Variants in PHF20 observed in about 807,000 individuals in gnomAD.
PHF20 encodes glioma-expressed antigen 2.
PHF20 carries 23 observed loss-of-function variants against 113.5 expected under a neutral mutation model. That is an observed-to-expected ratio of 0.20 (90% confidence interval 0.15 to 0.29). PHF20 has a LOEUF of 0.29. PHF20 is among the 10% of genes least tolerant of loss of function. The probability of loss-of-function intolerance (pLI) is 1.00; values close to 1 mark genes in which losing one functional copy is unlikely to be tolerated. For synonymous variants in PHF20, 434 were observed against 457.3 expected, an observed-to-expected ratio of 0.95 and a Z score of 0.65; for missense variants, 943 against 1,219.6, an observed-to-expected ratio of 0.77 and a Z score of 3.38.
intron 17 of PHF20, among the ~76,000 whole-genome samples, chr20:35,947,263 T>C (rs2056102265): frequency 6.6e-6 from 1 of 152,228 alleles, no homozygotes; most frequent in South Asian, 2.1e-4. Flanking sequence ...ACTGTGCTGC[T>C]CTAAAGCATT....
intron 1 of PHF20, among the ~76,000 whole-genome samples, chr20:35,787,090 C>G (rs2041434702): frequency 6.6e-6 from 1 of 151,358 alleles, no homozygotes; most frequent in African/African-American, 2.4e-5. Context: ...CCCCTGGGCT[C>G]AAGTGATTCT....
intron 2 of PHF20, among the ~76,000 whole-genome samples, chr20:35,829,930 T>G (rs908350294): frequency 6.6e-6 from 1 of 151,298 alleles, no homozygotes; most frequent in Non-Finnish European, 1.5e-5. Flanking sequence ...CTTTTTTTTT[T>G]TGAGATGGAG....
chr20:35,844,225 C>T (rs936885739), intron 3 of PHF20, among the ~76,000 whole-genome samples: 23 of 151,862 alleles, frequency 1.5e-4, no homozygotes, highest in Admixed American at 1.3e-3. Context: ...GCCTTATCCT[C>T]CTGAGTAGCT....
chr20:35,904,911 C>T (rs1269729901), intron 10 of PHF20, among the ~76,000 whole-genome samples: 9 of 151,714 alleles, frequency 5.9e-5, no homozygotes, highest in Non-Finnish European at 8.8e-5. Flanking sequence ...CCACAACCTC[C>T]GCCTCCCGGA....
chr20:35,925,226 G>C (rs570216944), intron 13 of PHF20, among the ~76,000 whole-genome samples: 2 of 145,202 alleles, frequency 1.4e-5, no homozygotes, highest in African/African-American at 5.1e-5. Flanking sequence ...ATTTTTTCTA[G>C]TTCTGAAGCT....
chr20:35,940,078 C>T (rs1485384043), intron 16 of PHF20, among the ~76,000 whole-genome samples: 1 of 152,304 alleles, frequency 6.6e-6, no homozygotes, highest in East Asian at 1.9e-4. Flanking sequence ...AGTGAAGCCC[C>T]CTCAGTTACT....
At chr20:35,876,076 C>A (rs1226885282) in intron 9 of PHF20, among the ~76,000 whole-genome samples, 1 of 152,158 alleles carries the variant, frequency 6.6e-6, no homozygotes, top group East Asian at 1.9e-4. Context: ...ACAAAGGTCT[C>A]ACAGTAGCCT....
chr20:35,808,046 G>T (rs1383118730), intron 2 of PHF20, among the ~76,000 whole-genome samples: 1 of 152,122 alleles, frequency 6.6e-6, no homozygotes, highest in African/African-American at 2.4e-5. Context: ...AGCAAAAGCG[G>T]CCATGTGTAA....
At chr20:35,891,081 T>G (rs1439557671) in intron 9 of PHF20, among the ~76,000 whole-genome samples, 1 of 152,108 alleles carries the variant, frequency 6.6e-6, no homozygotes, top group African/African-American at 2.4e-5. Flanking sequence ...AAGTAAAGAA[T>G]GCAGCACATT....
At position 35,861,340 on chromosome 20, in the gene PHF20, A is replaced by G. The variant is rs143214056; in HGVS notation, c.421-1673A>G. ...ATTGTTCTTAACGTTTTGGTGTGTA[A>G]CTTGACTTAACAATTTGATGTATAC... On this transcript the variant is annotated intron_variant, in intron 5 of 17. Transcript: ENST00000374012. Among the ~76,000 whole-genome samples the G allele has an allele frequency of 5.3e-3, 813 of 152,268 alleles. 9 individuals carry two copies. The highest frequency in any genetic ancestry group is 0.019 in the African/African-American group (776 of 41,570).
chr20:35,911,189 C>T (rs6058359), intron 10 of PHF20, among the ~76,000 whole-genome samples: 39,929 of 151,844 alleles, frequency 0.26, 6,372 homozygotes, highest in African/African-American at 0.46. Context: ...TACAGGCGCC[C>T]GCTACCACGC....
chr20:35,831,854 C>A (rs2042362755), intron 2 of PHF20, among the ~76,000 whole-genome samples: 1 of 152,168 alleles, frequency 6.6e-6, no homozygotes, highest in Non-Finnish European at 1.5e-5. Flanking sequence ...AGCTGGGAAG[C>A]TCTGGTAAAG....
chr20:35,931,342 A>G lies in PHF20; in HGVS notation c.2198A>G (p.His733Arg). ...GCATTTCTAGAAGAGAACTACTCCC[A>G]TCAGAATGCCAAGAAGATCGTGGCC... ...GLAFLEENYS[H>R]QNAKKIVATH... The change falls in exon 15 of 18, where the codon CAT (histidine) becomes CGT (arginine). Residue 733 changes from histidine (H) to arginine (R), a missense_variant. Around this residue, in one of 3 missense-constraint regions of PHF20, gnomAD observed 349 missense variants for 412.3 expected, o/e 0.85. Coordinates refer to ENST00000374012, the MANE Select transcript of PHF20 (RefSeq NM_016436.5). 1 of 1,614,114 alleles carries G rather than the reference A, an allele frequency of 6.2e-7. No individual in the cohort carries two copies. Among genetic ancestry groups the G allele is most frequent in the Non-Finnish European group, 8.5e-7 (1 of 1,180,010 alleles).
intron 13 of PHF20, among the ~76,000 whole-genome samples, chr20:35,923,816 A>G (rs1251622749): frequency 1.3e-5 from 2 of 152,200 alleles, no homozygotes; most frequent in African/African-American, 4.8e-5. Flanking sequence ...CAGAGGCACA[A>G]TCACAGCTCA....
chr20:35,818,768 C>G (rs1357163259), intron 2 of PHF20, among the ~76,000 whole-genome samples: 1 of 152,098 alleles, frequency 6.6e-6, no homozygotes, highest in African/African-American at 2.4e-5. Flanking sequence ...AACTCCAGGG[C>G]TCAAGTGATC....
At chr20:35,884,482 A>G (rs1187122452) in intron 9 of PHF20, among the ~76,000 whole-genome samples, 1 of 152,166 alleles carries the variant, frequency 6.6e-6, no homozygotes, top group East Asian at 1.9e-4. Context: ...GGCTGAGTGC[A>G]GAGATCTGCA....
intron 1 of PHF20, among the ~76,000 whole-genome samples, chr20:35,791,441 GTATCTATC>G (rs72192292): frequency 0.3 from 38,958 of 130,936 alleles, 6,139 homozygotes; most frequent in South Asian, 0.34. Flanking sequence ...TACCAGAATA[GTATCTATC>G]TATCTATCTA....
intron 2 of PHF20, among the ~76,000 whole-genome samples, chr20:35,811,270 C>T (rs902888095): frequency 1.3e-5 from 2 of 152,088 alleles, no homozygotes; most frequent in Non-Finnish European, 2.9e-5. Flanking sequence ...TGATCTTGAT[C>T]TCTTGACCTC....
chr20:35,899,255 C>A, intron 9 of PHF20, 115 bp from the exon 10 acceptor site: 1 of 802,078 alleles, frequency 1.2e-6, no homozygotes, highest in Non-Finnish European at 2.0e-6. Context: ...AGTCTGATGT[C>A]TCAGGCTACA....
Sources: gnomAD v4.1 joint callset for allele counts (sites outside exome capture counted in the v4.1 genomes callset) on GRCh38, gnomAD v4.1.1 for gene constraint, gnomAD v4.1.1 regional missense constraint, MANE v1.5 for transcripts, NCBI Gene and HGNC (gene_info 2026-07-23, HGNC 2026-07-21) for gene names.